The following GRM8 variants were observed in gnomAD, a reference collection of about 807,000 sequenced individuals.
GRM8 encodes glutamate metabotropic receptor 8, also known as metabotropic glutamate receptor 8.
In GRM8, 47 loss-of-function variants were observed where a neutral mutation model predicts 87.2. The ratio of observed to expected loss-of-function variants is 0.54; its 90% CI spans 0.43 to 0.69. GRM8 has a LOEUF of 0.69. Ranked by LOEUF, GRM8 falls within the 30% of genes least tolerant of loss-of-function variation. GRM8 has a pLI of 0.00. For missense variants in GRM8, 1,019 were observed against 1,139.2 expected (o/e 0.89, Z 1.52); for synonymous variants, 396 against 404.5 (o/e 0.98, Z 0.25).
intron 8 of GRM8, among the ~76,000 whole-genome samples, chr7:126,586,794 CA>C: frequency 6.6e-6 from 1 of 152,132 alleles, no homozygotes; most frequent in South Asian, 2.1e-4. Context: ...TCTAAAACAC[CA>C]AAAGCAATGG....
chr7:126,507,769 C>T (rs1168333972), intron 9 of GRM8, among the ~76,000 whole-genome samples: 2 of 151,932 alleles, frequency 1.3e-5, no homozygotes, highest in Non-Finnish European at 1.5e-5. Context: ...CCTTCTTTTT[C>T]GAGCTTGTCT....
chr7:126,852,223 G>A (rs1401566655), intron 6 of GRM8, among the ~76,000 whole-genome samples: 2 of 152,124 alleles, frequency 1.3e-5, no homozygotes, highest in Non-Finnish European at 2.9e-5. Flanking sequence ...CATTCTATGT[G>A]CCTGTTTCTG....
At chr7:126,446,997 G>A (rs1802087443) in intron 9 of GRM8, 1 of 151,926 alleles carries the variant, frequency 6.6e-6, no homozygotes, top group African/African-American at 2.4e-5. Context: ...TAAGTCAGGT[G>A]CTTTTATAAA....
At chr7:126,768,556 G>C (rs149317175) in intron 7 of GRM8, among the ~76,000 whole-genome samples, 79 of 151,984 alleles carry the variant, frequency 5.2e-4, no homozygotes, top group African/African-American at 1.9e-3. Context: ...TAAGATGAAA[G>C]ACAAATTAGT....
chr7:126,486,116 C>T (rs894203947), intron 9 of GRM8, among the ~76,000 whole-genome samples: 1 of 151,964 alleles, frequency 6.6e-6, no homozygotes, highest in Non-Finnish European at 1.5e-5. Flanking sequence ...GTTGAACCCC[C>T]CGTCCAACAA....
At chr7:127,133,278 C>T (rs181760742) in intron 2 of GRM8, among the ~76,000 whole-genome samples, 5 of 152,174 alleles carry the variant, frequency 3.3e-5, no homozygotes, top group African/African-American at 1.2e-4. Flanking sequence ...ATTAGCCGGG[C>T]ATGGTGGCGG....
intron 6 of GRM8, among the ~76,000 whole-genome samples, chr7:126,862,574 T>C (rs1181947589): frequency 6.6e-6 from 1 of 152,056 alleles, no homozygotes; most frequent in East Asian, 1.9e-4. Flanking sequence ...CTAGCTACAA[T>C]AAATATTAAC....
At position 127,242,732 on chromosome 7, in the gene GRM8, A is replaced by C; in HGVS notation, c.473T>G (p.Val158Gly). ...TAAAATGTTAGCAACCATGATGGAC[A>C]CGGAGCTTGCTGCAGCACCTATGAC... Reference protein sequence around the residue: ...SGVIGAAASSVSIMVANILRL... With the variant: ...SGVIGAAASSGSIMVANILRL... Residue 158 changes from valine to glycine, a missense_variant, in exon 2 of 11, where the codon GTG (valine) becomes GGG (glycine). Physicochemically the swap from Val to Gly is moderately radical, Grantham distance 109 (BLOSUM62 -3). Transcript: ENST00000339582. The C allele has an allele frequency of 1.9e-6, 3 of 1,614,234 alleles. No homozygotes were observed. The highest frequency in any genetic ancestry group is 1.7e-6 in the Non-Finnish European group (2 of 1,180,030).
At chr7:127,244,475 A>AGTC (rs58251259) in intron 1 of GRM8, among the ~76,000 whole-genome samples, 18,852 of 152,128 alleles carry the variant, frequency 0.12, 1,383 homozygotes, top group Middle Eastern at 0.26. Flanking sequence ...TTTTGAAGAG[A>AGTC]TGTGACTGAA....
At chr7:126,678,263 T>C (rs952231336) in intron 7 of GRM8, among the ~76,000 whole-genome samples, 1 of 152,276 alleles carries the variant, frequency 6.6e-6, no homozygotes. Context: ...TTATTTTTTA[T>C]ATTTAAGACA....
At chr7:126,716,529 G>A (rs1218682836) in intron 7 of GRM8, among the ~76,000 whole-genome samples, 2 of 152,218 alleles carry the variant, frequency 1.3e-5, no homozygotes, top group South Asian at 2.1e-4. Context: ...CTGCTAGAAC[G>A]TATGACTTCA....
chr7:127,212,574 C>T (rs1773536860), intron 2 of GRM8, among the ~76,000 whole-genome samples: 2 of 151,930 alleles, frequency 1.3e-5, no homozygotes, highest in East Asian at 1.9e-4. Context: ...CCCGCCACTA[C>T]GTCCGGCTAA....
At chr7:126,563,227 T>C (rs912122886) in intron 8 of GRM8, among the ~76,000 whole-genome samples, 1 of 152,172 alleles carries the variant, frequency 6.6e-6, no homozygotes, top group African/African-American at 2.4e-5. Flanking sequence ...AAATTCTTGA[T>C]ATTTTGAAAC....
At chr7:126,637,864 C>G (rs117289396) in intron 7 of GRM8, among the ~76,000 whole-genome samples, 23 of 152,012 alleles carry the variant, frequency 1.5e-4, no homozygotes, top group Non-Finnish European at 3.2e-4. Flanking sequence ...TTTAGAAGTA[C>G]CCAACATGAA....
At chr7:126,484,431 T>C (rs1009187878) in intron 9 of GRM8, among the ~76,000 whole-genome samples, 1 of 152,050 alleles carries the variant, frequency 6.6e-6, no homozygotes, top group Non-Finnish European at 1.5e-5. Context: ...CATTAAGATA[T>C]AGAAATATTA....
chr7:126,689,758 A>G (rs1808603610), intron 7 of GRM8, among the ~76,000 whole-genome samples: 1 of 152,348 alleles, frequency 6.6e-6, no homozygotes, highest in Non-Finnish European at 1.5e-5. Context: ...TATTTTAATT[A>G]TGTTTATATA....
intron 3 of GRM8, among the ~76,000 whole-genome samples, chr7:127,077,950 T>C (rs917846345): frequency 3.3e-5 from 5 of 152,148 alleles, no homozygotes; most frequent in Admixed American, 2.0e-4. Context: ...TGACATGTAG[T>C]AGGTCGAGGC....
chr7:126,555,752 T>C (rs2150943539), intron 8 of GRM8, among the ~76,000 whole-genome samples: 1 of 152,362 alleles, frequency 6.6e-6, no homozygotes, highest in South Asian at 2.1e-4. Flanking sequence ...GTTTGTTTAC[T>C]TGTACAGATG....
chr7:126,912,389 C>A (rs1403366233), intron 3 of GRM8, among the ~76,000 whole-genome samples: 2 of 152,186 alleles, frequency 1.3e-5, no homozygotes, highest in Non-Finnish European at 2.9e-5. Context: ...TTGATCTTCT[C>A]CTGCTCTCAG....
Sources: allele counts gnomAD v4.1 joint callset (sites outside exome capture counted in the v4.1 genomes callset), GRCh38; gene constraint gnomAD v4.1.1; transcripts MANE v1.5; gene names NCBI Gene and HGNC (gene_info 2026-07-23, HGNC 2026-07-21).